Variants in RSRC1 observed in about 807,000 individuals in gnomAD.
RSRC1 encodes serine/Arginine-related protein 53.
In RSRC1, 39 loss-of-function variants were observed where a neutral mutation model predicts 49.1. The observed-to-expected ratio is 0.79, with a 90% CI of 0.61 to 1.04. The LOEUF is 1.04. Ranked by LOEUF, RSRC1 falls within the 50% of genes least tolerant of loss-of-function variation. The pLI is 0.00. For missense variants in RSRC1, 388 were observed against 402.4 expected, an observed-to-expected ratio of 0.96 and a Z score of 0.31; for synonymous variants, 143 against 130.8, an observed-to-expected ratio of 1.09 and a Z score of -0.63.
intron 7 of RSRC1, among the ~76,000 whole-genome samples, chr3:158,522,519 G>T (rs1304198151): frequency 6.6e-6 from 1 of 152,030 alleles, no homozygotes; most frequent in Non-Finnish European, 1.5e-5. Flanking sequence ...GGCTTGTCTT[G>T]ATTAAAAGCC....
At chr3:158,118,413 CTG>C (rs57257889) in intron 1 of RSRC1, among the ~76,000 whole-genome samples, 7,674 of 89,956 alleles carry the variant, frequency 0.085, 283 homozygotes, top group East Asian at 0.15. Flanking sequence ...ACCTGGCCTT[CTG>C]TGTGTGTGTG....
intron 3 of RSRC1, among the ~76,000 whole-genome samples, chr3:158,165,104 G>A (rs909437772): frequency 6.6e-6 from 1 of 152,036 alleles, no homozygotes; most frequent in African/African-American, 2.4e-5. Context: ...GAGAATAAGC[G>A]GAACCTTTGC....
chr3:158,503,259 G>A (rs1180887854), intron 7 of RSRC1, among the ~76,000 whole-genome samples: 1 of 152,114 alleles, frequency 6.6e-6, no homozygotes, highest in Non-Finnish European at 1.5e-5. Context: ...TCCCTCAGCT[G>A]TGGATACCAG....
At chr3:158,216,437 C>T (rs1378464982) in intron 4 of RSRC1, among the ~76,000 whole-genome samples, 2 of 151,014 alleles carry the variant, frequency 1.3e-5, no homozygotes, top group African/African-American at 4.9e-5. Context: ...TTTATGGTTT[C>T]CTCTTCACCA....
chr3:158,408,455 A>T (rs1734265127), intron 6 of RSRC1, among the ~76,000 whole-genome samples: 1 of 152,188 alleles, frequency 6.6e-6, no homozygotes, highest in Admixed American at 6.6e-5. Context: ...ATCTTGAAAA[A>T]CACTAACTTA....
intron 3 of RSRC1, among the ~76,000 whole-genome samples, chr3:158,187,912 G>T (rs541185617): frequency 6.6e-6 from 1 of 151,912 alleles, no homozygotes; most frequent in Non-Finnish European, 1.5e-5. Context: ...TCAAATAACA[G>T]ATATATAAAT....
intron 5 of RSRC1, among the ~76,000 whole-genome samples, chr3:158,351,622 T>G (rs1334245465): frequency 6.6e-6 from 1 of 152,058 alleles, no homozygotes; most frequent in African/African-American, 2.4e-5. Flanking sequence ...GAATCAAAAC[T>G]CTATATGCAT....
Position 158,323,320 on chromosome 3 carries a change from T to C in RSRC1, c.531+25245T>C, listed in dbSNP as rs147615154. Among the ~76,000 whole-genome samples the C allele has an allele frequency of 1.2e-4, 19 of 152,278 alleles. No homozygotes were observed. In the East Asian group the frequency reaches 3.7e-3, roughly 29 times the overall value. On this transcript the variant is annotated intron_variant, in intron 5 of 9. Transcript: ENST00000611884. ...GGGTTTCCTCTGTGTCTGTGTAGTT[T>C]AATGGTTAGTAAATGATTTGGGCAG...
At chr3:158,257,466 T>C (rs1724631357) in intron 4 of RSRC1, among the ~76,000 whole-genome samples, 1 of 152,206 alleles carries the variant, frequency 6.6e-6, no homozygotes, top group African/African-American at 2.4e-5. Context: ...ATTCCTGCTC[T>C]TTTTTGTTTT....
At chr3:158,278,510 G>A (rs994639202) in intron 4 of RSRC1, among the ~76,000 whole-genome samples, 2 of 152,122 alleles carry the variant, frequency 1.3e-5, no homozygotes, top group East Asian at 3.9e-4. Context: ...TCCACACTCA[G>A]CACTGACTCC....
chr3:158,111,500 C>A (rs1714405230), intron 1 of RSRC1, among the ~76,000 whole-genome samples: 1 of 152,102 alleles, frequency 6.6e-6, no homozygotes, highest in African/African-American at 2.4e-5. Context: ...GGGATAAATT[C>A]CTATGATTGA....
intron 5 of RSRC1, among the ~76,000 whole-genome samples, chr3:158,324,421 C>T (rs1049149957): frequency 6.6e-6 from 1 of 152,086 alleles, no homozygotes; most frequent in East Asian, 1.9e-4. Context: ...TGTGATGTTC[C>T]CCTTCCTGTG....
intron 3 of RSRC1, among the ~76,000 whole-genome samples, chr3:158,171,466 G>A (rs1319197152): frequency 6.6e-6 from 1 of 152,174 alleles, no homozygotes; most frequent in African/African-American, 2.4e-5. Flanking sequence ...GCTATTACAA[G>A]TGTGTCCTCC....
intron 4 of RSRC1, among the ~76,000 whole-genome samples, chr3:158,297,519 A>G (rs1433409207): frequency 6.6e-6 from 1 of 151,998 alleles, no homozygotes; most frequent in Non-Finnish European, 1.5e-5. Context: ...AGAAAATAGG[A>G]TAAGATTTAG....
intron 3 of RSRC1, among the ~76,000 whole-genome samples, chr3:158,150,448 A>G (rs375617538): frequency 7.9e-5 from 12 of 152,214 alleles, no homozygotes; most frequent in Non-Finnish European, 1.6e-4. Flanking sequence ...AACAGCAAAG[A>G]CTATAAGAAA....
intron 6 of RSRC1, among the ~76,000 whole-genome samples, chr3:158,431,469 G>C (rs1440278240): frequency 6.6e-6 from 1 of 151,626 alleles, no homozygotes; most frequent in African/African-American, 2.4e-5. Flanking sequence ...CATTTATTCT[G>C]CCTATTTTTA....
intron 7 of RSRC1, among the ~76,000 whole-genome samples, chr3:158,498,508 A>T (rs1739450981): frequency 1.0e-5 from 1 of 99,050 alleles, no homozygotes; most frequent in South Asian, 3.0e-4. Context: ...ATTTTCTCCC[A>T]CCCTGTGGGT....
chr3:158,379,090 A>G (rs1732544302), intron 6 of RSRC1, among the ~76,000 whole-genome samples: 1 of 152,028 alleles, frequency 6.6e-6, no homozygotes, highest in Non-Finnish European at 1.5e-5. Context: ...GAATTTGTGC[A>G]ATAGCTTCTT....
At chr3:158,508,833 A>G (rs1740007106) in intron 7 of RSRC1, among the ~76,000 whole-genome samples, 1 of 152,098 alleles carries the variant, frequency 6.6e-6, no homozygotes, top group Admixed American at 6.5e-5. Context: ...ATGTACAATA[A>G]TATCTCTTGA....
Sources: gnomAD v4.1 joint callset for allele counts (sites outside exome capture counted in the v4.1 genomes callset) on GRCh38, gnomAD v4.1.1 for gene constraint, MANE v1.5 for transcripts, NCBI Gene and HGNC (gene_info 2026-07-23, HGNC 2026-07-21) for gene names.